NBEA: variants seen among roughly 807,000 people sequenced by gnomAD.
NBEA encodes lysosomal-trafficking regulator 2.
NBEA carries 44 observed loss-of-function variants against 343.4 expected under a neutral mutation model. The observed-to-expected ratio is 0.13, with a 90% confidence interval of 0.10 to 0.16. NBEA has a LOEUF of 0.16. NBEA is among the 10% of genes least tolerant of loss of function. NBEA has a pLI of 1.00. For missense variants in NBEA, 2,555 were observed against 3,631.3 expected (o/e 0.70, Z 7.62); for synonymous variants, 1,175 against 1,238.7 (o/e 0.95, Z 1.08).
intron 39 of NBEA, among the ~76,000 whole-genome samples, chr13:35,433,202 A>T (rs2045230764): frequency 6.6e-6 from 1 of 152,132 alleles, no homozygotes; most frequent in Non-Finnish European, 1.5e-5. Context: ...GCTAAGAAGT[A>T]TCTTAGGAAC....
At chr13:35,144,140 A>G (rs1002300673) in intron 18 of NBEA, among the ~76,000 whole-genome samples, 1 of 152,212 alleles carries the variant, frequency 6.6e-6, no homozygotes, top group Non-Finnish European at 1.5e-5. Context: ...GGAAAAGTAC[A>G]GAGAGTTATT....
At chr13:35,283,627 A>T (rs2035211779) in intron 34 of NBEA, among the ~76,000 whole-genome samples, 1 of 152,322 alleles carries the variant, frequency 6.6e-6, no homozygotes, top group African/African-American at 2.4e-5. Flanking sequence ...GAAAGGTAAT[A>T]AGTGCATATA....
rs1353694377 is a variant in NBEA, at chr13:35,323,648, G to A, written c.5903+14056G>A. Among the ~76,000 whole-genome samples the A allele has an allele frequency of 5.3e-5, 8 of 151,476 alleles. 1 individual carries two copies. Among genetic ancestry groups the A allele is most frequent in the African/African-American group, 1.9e-4 (8 of 41,260 alleles). ...GTTAGTGGGTGCAGCACACCAACATGGCACATGTATACATATGTAACTAAC... is the reference window on the plus strand; with the variant it reads ...GTTAGTGGGTGCAGCACACCAACATAGCACATGTATACATATGTAACTAAC... On this transcript the variant is annotated intron_variant, in intron 36 of 58. Coordinates refer to ENST00000379939, the MANE Select transcript of NBEA (RefSeq NM_001385012.1).
chr13:35,460,257 A>C (rs2046826330), intron 40 of NBEA, among the ~76,000 whole-genome samples: 7 of 152,154 alleles, frequency 4.6e-5, no homozygotes, highest in Admixed American at 4.6e-4. Flanking sequence ...AACTCATCAA[A>C]ATGTTGTTTA....
At chr13:34,963,710 C>G (rs1222861241) in intron 1 of NBEA, among the ~76,000 whole-genome samples, 4 of 151,638 alleles carry the variant, frequency 2.6e-5, no homozygotes, top group African/African-American at 4.8e-5. Flanking sequence ...TTTCTTCCCC[C>G]CCCCGATATA....
chr13:35,475,553 C>T, intron 41 of NBEA: 1 of 1,613,330 alleles, frequency 6.2e-7, no homozygotes, highest in Non-Finnish European at 8.5e-7. Context: ...CGGTTGGGTC[C>T]CGGCCAGGGG....
intron 38 of NBEA, among the ~76,000 whole-genome samples, chr13:35,393,938 C>T (rs2042621455): frequency 6.6e-6 from 1 of 152,004 alleles, no homozygotes; most frequent in Admixed American, 6.6e-5. Flanking sequence ...AACAGTATAA[C>T]TACTACTTTT....
At chr13:35,141,228 A>C (rs1282305454) in intron 17 of NBEA, among the ~76,000 whole-genome samples, 1 of 152,072 alleles carries the variant, frequency 6.6e-6, no homozygotes, top group Non-Finnish European at 1.5e-5. Flanking sequence ...AATACTGAGA[A>C]TTGGGAGAGA....
chr13:35,516,501 T>G (rs991932301), intron 41 of NBEA, among the ~76,000 whole-genome samples: 1 of 152,164 alleles, frequency 6.6e-6, no homozygotes, highest in Non-Finnish European at 1.5e-5. Flanking sequence ...AATGGGAAAT[T>G]TGAGGAGCAG....
At chr13:35,269,656 T>C (rs1266573830) in intron 34 of NBEA, among the ~76,000 whole-genome samples, 1 of 152,114 alleles carries the variant, frequency 6.6e-6, no homozygotes, top group African/African-American at 2.4e-5. Context: ...AAACAGACCA[T>C]TCGTTGGAGA....
intron 10 of NBEA, among the ~76,000 whole-genome samples, chr13:35,086,026 C>T (rs571296363): frequency 1.1e-4 from 17 of 151,986 alleles, no homozygotes; most frequent in Non-Finnish European, 2.4e-4. Context: ...TTGCAAGGGA[C>T]GTGAAGGACC....
rs894630287 is a variant in NBEA at position 34,942,523 on chromosome 13, G to A, written c.-298G>A. The A allele has an allele frequency of 1.5e-5, 3 of 198,516 alleles. No individual in the cohort carries two copies. The highest frequency in any genetic ancestry group is 2.9e-5 in the Non-Finnish European group (3 of 101,858). The allele number at this position is 198,516 out of a possible 1,614,324, so 12.3% of individuals were successfully genotyped here. ...GGGAGAGGGAGAGAGCAGAGGCAGC[G>A]GCGGCGGCAGCGGCAGCGGCAGCGG... is the stretch of plus-strand genomic sequence containing the variant. On this transcript the variant is annotated 5_prime_UTR_variant, in exon 1 of 59. Transcript: ENST00000379939.
intron 21 of NBEA, among the ~76,000 whole-genome samples, chr13:35,157,484 GT>G (rs1281918370): frequency 2.0e-5 from 3 of 152,096 alleles, no homozygotes; most frequent in Non-Finnish European, 2.9e-5. Flanking sequence ...TAAATCAGGA[GT>G]TTTATACCCA....
intron 36 of NBEA, among the ~76,000 whole-genome samples, chr13:35,333,194 T>C (rs551866935): frequency 1.3e-5 from 2 of 151,566 alleles, no homozygotes; most frequent in Non-Finnish European, 2.9e-5. Flanking sequence ...AGATTTTAGA[T>C]CTCTAAGGGC....
chr13:35,043,533 T>C (rs958516131), intron 2 of NBEA, among the ~76,000 whole-genome samples: 1 of 151,798 alleles, frequency 6.6e-6, no homozygotes, highest in Non-Finnish European at 1.5e-5. Flanking sequence ...AGTACTTAAA[T>C]TTTTTTGTAG....
At chr13:35,331,343 C>T (rs892536296) in intron 36 of NBEA, among the ~76,000 whole-genome samples, 4 of 151,920 alleles carry the variant, frequency 2.6e-5, no homozygotes, top group African/African-American at 9.7e-5. Flanking sequence ...CACTCTTTCC[C>T]CTAGTTTGTA....
chr13:35,185,911 C>T (rs192885301), intron 30 of NBEA: 88 of 152,012 alleles, frequency 5.8e-4, no homozygotes, highest in African/African-American at 1.7e-3. Context: ...TGCTTCCAAA[C>T]GGGGAAAGAT....
At chr13:35,162,491 T>A (rs144445757) in intron 23 of NBEA, among the ~76,000 whole-genome samples, 20 of 152,218 alleles carry the variant, frequency 1.3e-4, no homozygotes, top group African/African-American at 4.6e-4. Context: ...CAACCTCAAT[T>A]CATAAGAAAC....
chr13:35,504,080 AT>A (rs1345932203), intron 41 of NBEA, among the ~76,000 whole-genome samples: 1 of 152,188 alleles, frequency 6.6e-6, no homozygotes, highest in Non-Finnish European at 1.5e-5. Context: ...ATGAATATTC[AT>A]TTACAGTTGG....
Sources: gnomAD v4.1 joint callset for allele counts (sites outside exome capture counted in the v4.1 genomes callset) on GRCh38, gnomAD v4.1.1 for gene constraint, MANE v1.5 for transcripts, NCBI Gene and HGNC (gene_info 2026-07-23, HGNC 2026-07-21) for gene names.